Variants in SLC5A4 observed in about 807,000 individuals in gnomAD.
SLC5A4 encodes solute carrier family 5 member 4, also known as probable glucose sensor protein SLC5A4.
Under a neutral mutation model 70.3 loss-of-function variants are expected in SLC5A4, and 55 were observed. The observed-to-expected ratio is 0.78, with a 90% CI of 0.63 to 0.98. SLC5A4 has a LOEUF of 0.98. SLC5A4 is among the 50% of genes least tolerant of loss of function. SLC5A4 has a pLI of 0.00. For missense variants in SLC5A4, 735 were observed against 839.2 expected, an observed-to-expected ratio of 0.88 and a Z score of 1.53; for synonymous variants, 268 against 305.7, an observed-to-expected ratio of 0.88 and a Z score of 1.29.
At chr22:32,332,135 A>C in the SLC5A4 span, among the ~76,000 whole-genome samples, 1 of 151,714 alleles carries the variant, frequency 6.6e-6, no homozygotes, top group Non-Finnish European at 1.5e-5. Context: ...GCAGCTCGTG[A>C]GACAGTGGCA....
At chr22:32,272,712 G>A in the SLC5A4 span, 1 of 515,540 alleles carries the variant, frequency 1.9e-6, no homozygotes. Context: ...CCATGTGGGT[G>A]CCCACATGAA....
At chr22:32,227,307 G>T (rs139545280) in intron 11 of SLC5A4, among the ~76,000 whole-genome samples, 2 of 152,222 alleles carry the variant, frequency 1.3e-5, no homozygotes, top group African/African-American at 4.8e-5. Flanking sequence ...ACTGCATCTT[G>T]GGTCTCCTGA....
the SLC5A4 span, among the ~76,000 whole-genome samples, chr22:32,330,506 A>C: frequency 1.6e-5 from 1 of 61,558 alleles, no homozygotes; most frequent in African/African-American, 6.9e-5. Context: ...TCTGGTGTGT[A>C]TGTGTTGGGG....
the SLC5A4 span, among the ~76,000 whole-genome samples, chr22:32,261,718 CAATT>C: frequency 1.3e-5 from 2 of 152,218 alleles, no homozygotes; most frequent in African/African-American, 2.4e-5. Context: ...TTTTAATGTA[CAATT>C]AATATTGACT....
In SLC5A4 at chr22:32,248,628, C is replaced by A. The variant is rs1603235153; in HGVS notation, c.372+115G>T. On this transcript the variant is annotated intron_variant, in intron 4 of 14. Coordinates refer to ENST00000266086, the MANE Select transcript of SLC5A4 (RefSeq NM_014227.3). ...TGAGCTCCCATCTCCTCTGCTGTGG[C>A]ACCTAAATAAAGCCTTTTTTCCTGG... 2.3e-5 allele frequency: 18 copies of A among 769,176 alleles called. No homozygotes were observed. The East Asian group carries it at 4.4e-4, about 19-fold the overall frequency. The allele number at this position is 769,176 out of a possible 1,614,324, so 47.6% of individuals were successfully genotyped here. A position where few individuals can be genotyped will look rare whatever the true frequency, so the allele number is the denominator to read the frequency against.
rs190112269 is a variant in SLC5A4 at position 32,246,083 on chromosome 22, A to G, written c.477+1328T>C. Among the ~76,000 whole-genome samples the G allele has an allele frequency of 2.6e-5, 4 of 152,148 alleles. No individual in the cohort carries two copies. The East Asian group carries it at 5.8e-4, about 22-fold the overall frequency. Reference sequence around the variant, plus strand: ...GCACATTTTCTGTACTTGTCCATGCACTCTAGTTCAGCATGTATTTTAGTA... The same window carrying G: ...GCACATTTTCTGTACTTGTCCATGCGCTCTAGTTCAGCATGTATTTTAGTA... On this transcript the variant is annotated intron_variant, in intron 5 of 14. Transcript: ENST00000266086.
the SLC5A4 span, among the ~76,000 whole-genome samples, chr22:32,337,078 G>T: frequency 6.6e-6 from 1 of 152,216 alleles, no homozygotes; most frequent in African/African-American, 2.4e-5. Flanking sequence ...TGGCACGGAG[G>T]TCAGATCAGT....
At chr22:32,226,678 T>A (rs1925417227) in intron 11 of SLC5A4, among the ~76,000 whole-genome samples, 1 of 148,898 alleles carries the variant, frequency 6.7e-6, no homozygotes, top group Non-Finnish European at 1.5e-5. Context: ...ACTGTTGGTA[T>A]TTTTTTTTAA....
the SLC5A4 span, among the ~76,000 whole-genome samples, chr22:32,306,019 C>T: frequency 6.6e-6 from 1 of 152,110 alleles, no homozygotes; most frequent in Non-Finnish European, 1.5e-5. Flanking sequence ...GCTGGGACCC[C>T]AGTCCCTGGT....
chr22:32,222,894 A>G (rs1925165594), intron 13 of SLC5A4, among the ~76,000 whole-genome samples: 1 of 152,334 alleles, frequency 6.6e-6, no homozygotes, highest in Non-Finnish European at 1.5e-5. Flanking sequence ...TTTAAAAATA[A>G]TTAGTTAATA....
chr22:32,247,325 C>A, intron 5 of SLC5A4, 86 bp downstream of exon 5: 1 of 784,822 alleles, frequency 1.3e-6, no homozygotes, highest in South Asian at 1.4e-5. Flanking sequence ...TGTTGACAGT[C>A]TACACATCCA....
the SLC5A4 span, among the ~76,000 whole-genome samples, chr22:32,288,969 G>T: frequency 6.6e-6 from 1 of 151,708 alleles, no homozygotes; most frequent in Non-Finnish European, 1.5e-5. Context: ...TTTGTGTCTT[G>T]CTGTACTGCC....
At chr22:32,306,245 CACGAGGTTAGG>C in the SLC5A4 span, among the ~76,000 whole-genome samples, 1 of 152,080 alleles carries the variant, frequency 6.6e-6, no homozygotes, top group Non-Finnish European at 1.5e-5. Context: ...GCAGGCAGAT[CACGAGGTTAGG>C]AGATCGAGAC....
At chr22:32,269,977 A>G in the SLC5A4 span, 11 of 518,584 alleles carry the variant, frequency 2.1e-5, no homozygotes, top group African/African-American at 1.9e-4. This position sits in a 1 kb window ranked among gnomAD's most constrained non-coding sequence, Gnocchi z 4.1. Context: ...TTGCCTGGGC[A>G]ACTCTCTCCT....
chr22:32,268,202 T>G, the SLC5A4 span: 1 of 152,196 alleles, frequency 6.6e-6, no homozygotes, highest in South Asian at 2.1e-4. Context: ...GGCCCTGATA[T>G]CTCTATGTAT....
In SLC5A4 at chr22:32,248,749, C is replaced by T; in HGVS notation, c.366G>A (p.Lys122=). Residue 122 remains lysine, a synonymous_variant, in exon 4 of 15, where the codon AAG becomes AAA. Transcript: ENST00000266086. Reference sequence around the variant, plus strand: ...TTTGGTAACAGATACTCACCCCCGACTTGATGTAGATAGGGACAAAGATCC... The same window carrying T: ...TTTGGTAACAGATACTCACCCCCGATTTGATGTAGATAGGGACAAAGATCC... ...LGWIFVPIYI[K]SGVMTMPEYL... 1 of 1,611,868 alleles carries T rather than the reference C, an allele frequency of 6.2e-7. No individual in the cohort carries two copies. The highest frequency in any genetic ancestry group is 8.5e-7 in the Non-Finnish European group (1 of 1,177,982).
the SLC5A4 span, among the ~76,000 whole-genome samples, chr22:32,282,188 G>A: frequency 2.6e-5 from 4 of 152,050 alleles, no homozygotes; most frequent in African/African-American, 9.7e-5. Context: ...CTCTTTGTAG[G>A]AGCGAAACTC....
In SLC5A4 at chr22:32,218,633, C is replaced by T; in HGVS notation, c.1861G>A (p.Glu621Lys). ...KGPKLTKEEE[E>K]ALSKKLTDTS... Reference sequence around the variant, plus strand: ...TCTGTGAGCTTCTTGCTCAAGGCTTCCTCCTCCTCCTTGGTTAGCTTGGGT... The same window carrying T: ...TCTGTGAGCTTCTTGCTCAAGGCTTTCTCCTCCTCCTTGGTTAGCTTGGGT... The change falls in exon 15 of 15, where the codon GAA becomes AAA. Residue 621 changes from glutamate (E) to lysine (K), a missense_variant. Glu to Lys is a moderately conservative substitution (Grantham distance 56). Transcript: ENST00000266086. 1 of 1,612,578 alleles carries T rather than the reference C, an allele frequency of 6.2e-7. No individual in the cohort carries two copies. The highest frequency in any genetic ancestry group is 1.1e-5 in the South Asian group (1 of 91,028).
At chr22:32,241,268 C>T (rs1926491333) in intron 5 of SLC5A4, among the ~76,000 whole-genome samples, 1 of 152,236 alleles carries the variant, frequency 6.6e-6, no homozygotes, top group Non-Finnish European at 1.5e-5. Context: ...ACTGTAAGGG[C>T]TCCTTGGTAA....
Sources: allele counts gnomAD v4.1 joint callset (sites outside exome capture counted in the v4.1 genomes callset), GRCh38; gene constraint gnomAD v4.1.1; non-coding constraint Gnocchi (gnomAD v3.1); transcripts MANE v1.5; gene names NCBI Gene and HGNC (gene_info 2026-07-23, HGNC 2026-07-21).